Variants in PTPRD observed in about 807,000 individuals in gnomAD.
PTPRD encodes the protein receptor-type tyrosine-protein phosphatase delta.
In PTPRD, 34 loss-of-function variants were observed where a neutral mutation model predicts 214.5. The observed-to-expected ratio is 0.16, with a 90% CI of 0.12 to 0.21. The LOEUF is 0.21. PTPRD is among the 10% of genes least tolerant of loss of function. The pLI is 1.00. For missense variants in PTPRD, 2,545 were observed against 2,398.7 expected, an observed-to-expected ratio of 1.06 and a Z score of -1.27; for synonymous variants, 1,128 against 845.7, an observed-to-expected ratio of 1.33 and a Z score of -5.79.
chr9:10,130,367 G>T (rs1006929919), intron 3 of PTPRD, among the ~76,000 whole-genome samples: 1 of 151,894 alleles, frequency 6.6e-6, no homozygotes, highest in Admixed American at 6.6e-5. Flanking sequence ...CCAAATTTTA[G>T]TACAAAGCCC....
intron 11 of PTPRD, among the ~76,000 whole-genome samples, chr9:8,812,577 G>A (rs1380374340): frequency 1.3e-5 from 2 of 152,040 alleles, no homozygotes; most frequent in Non-Finnish European, 2.9e-5. Flanking sequence ...AGAGAGGCAG[G>A]GGTTGGAGAA....
chr9:8,972,342 G>A (rs947870068), intron 11 of PTPRD, among the ~76,000 whole-genome samples: 4 of 151,780 alleles, frequency 2.6e-5, no homozygotes, highest in African/African-American at 4.8e-5. Context: ...CAAAAATATC[G>A]CAAAGAAGAC....
intron 7 of PTPRD, among the ~76,000 whole-genome samples, chr9:9,723,160 T>A (rs2097997050): frequency 6.6e-6 from 1 of 152,064 alleles, no homozygotes; most frequent in Non-Finnish European, 1.5e-5. Context: ...TTGCCTTTTA[T>A]ATTTAGGCCT....
chr9:9,621,282 T>C (rs770125166), intron 7 of PTPRD, among the ~76,000 whole-genome samples: 33 of 152,330 alleles, frequency 2.2e-4, no homozygotes, highest in Admixed American at 1.0e-3. Context: ...TTTAGAGTTT[T>C]ATTTCATGTT....
At chr9:9,844,611 G>A (rs1369539465) in intron 5 of PTPRD, among the ~76,000 whole-genome samples, 1 of 151,700 alleles carries the variant, frequency 6.6e-6, no homozygotes, top group East Asian at 1.9e-4. Context: ...AGGGGAGAAA[G>A]GACAAAATAG....
chr9:10,431,086 C>A (rs2098673162), intron 2 of PTPRD, among the ~76,000 whole-genome samples: 1 of 151,950 alleles, frequency 6.6e-6, no homozygotes, highest in Non-Finnish European at 1.5e-5. Flanking sequence ...ACAGACAATG[C>A]AGACATTTCT....
chr9:9,629,238 G>GTATATATATATATATATATATATATATA (rs113482595), intron 7 of PTPRD, among the ~76,000 whole-genome samples: 1 of 140,368 alleles, frequency 7.1e-6, no homozygotes, highest in African/African-American at 2.8e-5. Context: ...GTGTGTGTGT[G>GTATATATATATATATATATATATATATA]TATATATATA....
chr9:9,906,260 T>G (rs2153818046), intron 5 of PTPRD, among the ~76,000 whole-genome samples: 1 of 152,104 alleles, frequency 6.6e-6, no homozygotes, highest in East Asian at 1.9e-4. Flanking sequence ...AAAAAAGAGT[T>G]AATTCAAAAT....
intron 8 of PTPRD, among the ~76,000 whole-genome samples, chr9:9,513,215 A>G (rs1158556323): frequency 6.6e-6 from 1 of 152,020 alleles, no homozygotes; most frequent in Non-Finnish European, 1.5e-5. Context: ...CTAGGATTTC[A>G]AACAACTATA....
At chr9:10,058,223 T>G (rs1567381299) in intron 3 of PTPRD, among the ~76,000 whole-genome samples, 1 of 152,230 alleles carries the variant, frequency 6.6e-6, no homozygotes, top group East Asian at 1.9e-4. Context: ...CCTTTTGAGT[T>G]ATGTATTCAC....
chr9:9,870,625 T>C (rs1302896436), intron 5 of PTPRD, among the ~76,000 whole-genome samples: 3 of 152,084 alleles, frequency 2.0e-5, no homozygotes, highest in Non-Finnish European at 4.4e-5. Flanking sequence ...ATTTCACTGA[T>C]GTTAAATTTC....
chr9:10,306,506 ACAGAG>A (rs2096073747), intron 3 of PTPRD, among the ~76,000 whole-genome samples: 1 of 152,112 alleles, frequency 6.6e-6, no homozygotes, highest in Non-Finnish European at 1.5e-5. Flanking sequence ...CTGTCACCAC[ACAGAG>A]CAAAGTTTTT....
chr9:9,185,873 CT>C (rs5896308), intron 9 of PTPRD, among the ~76,000 whole-genome samples: 51 of 146,704 alleles, frequency 3.5e-4, no homozygotes, highest in Middle Eastern at 3.5e-3. Flanking sequence ...AATTTTTTTT[CT>C]TTTTTTTTTT....
chr9:9,626,815 G>C (rs1251556617), intron 7 of PTPRD, among the ~76,000 whole-genome samples: 1 of 152,088 alleles, frequency 6.6e-6, no homozygotes, highest in Non-Finnish European at 1.5e-5. Context: ...CACAAATTTA[G>C]ACATTCTTCC....
At chr9:10,372,433 G>A (rs1170483855) in intron 2 of PTPRD, among the ~76,000 whole-genome samples, 1 of 152,062 alleles carries the variant, frequency 6.6e-6, no homozygotes, top group African/African-American at 2.4e-5. Context: ...ACTTTGGATA[G>A]TCAATGACAC....
chr9:8,803,782 G>A (rs1408647502), intron 11 of PTPRD, among the ~76,000 whole-genome samples: 1 of 151,568 alleles, frequency 6.6e-6, no homozygotes, highest in East Asian at 1.9e-4. Flanking sequence ...ATGTTTGGTA[G>A]TCCTATTCAT....
intron 3 of PTPRD, among the ~76,000 whole-genome samples, chr9:10,045,646 C>T (rs532113141): frequency 6.6e-6 from 1 of 151,646 alleles, no homozygotes; most frequent in African/African-American, 2.4e-5. Context: ...CTAATATACT[C>T]TTAAGATCCA....
At chr9:8,755,101 G>A (rs965864996) in intron 11 of PTPRD, among the ~76,000 whole-genome samples, 3 of 151,834 alleles carry the variant, frequency 2.0e-5, no homozygotes, top group Non-Finnish European at 2.9e-5. Flanking sequence ...ATATACTGCT[G>A]GTTAGAGTGC....
At chr9:8,510,133 C>T (rs1450980171) in intron 21 of PTPRD, among the ~76,000 whole-genome samples, 3 of 151,694 alleles carry the variant, frequency 2.0e-5, no homozygotes, top group Non-Finnish European at 2.9e-5. Context: ...AATAATAAAA[C>T]TTAAAAAAAT....
Sources: allele counts gnomAD v4.1 joint callset (sites outside exome capture counted in the v4.1 genomes callset), GRCh38; gene constraint gnomAD v4.1.1; transcripts MANE v1.5; gene names NCBI Gene and HGNC (gene_info 2026-07-23, HGNC 2026-07-21).